CAMK1D: variants seen among roughly 807,000 people sequenced by gnomAD.
CAMK1D encodes the protein calcium/calmodulin dependent protein kinase ID, also known as calcium/calmodulin-dependent protein kinase type 1D.
Under a neutral mutation model 47.7 loss-of-function variants are expected in CAMK1D, and 9 were observed. The ratio of observed to expected loss-of-function variants is 0.19; its 90% CI spans 0.11 to 0.33. The LOEUF (loss-of-function observed/expected upper bound fraction) is 0.33. Among genes scored for constraint, CAMK1D ranks in the 10% least tolerant of loss-of-function variants. CAMK1D has a pLI of 1.00. For missense variants in CAMK1D, 291 were observed against 488.7 expected (o/e 0.60, Z 3.81); for synonymous variants, 184 against 184.9 (o/e 0.99, Z 0.04).
chr10:12,433,889 C>T (rs926183440), intron 1 of CAMK1D, among the ~76,000 whole-genome samples: 1 of 152,332 alleles, frequency 6.6e-6, no homozygotes, highest in Non-Finnish European at 1.5e-5. Flanking sequence ...GTGGGGATTT[C>T]AGGTCCCCCA....
chr10:12,469,066 G>C (rs1055788389), intron 1 of CAMK1D, among the ~76,000 whole-genome samples: 2 of 152,118 alleles, frequency 1.3e-5, no homozygotes, highest in African/African-American at 4.8e-5. Flanking sequence ...GAGATTCTGA[G>C]GGGATGGAGA....
intron 1 of CAMK1D, among the ~76,000 whole-genome samples, chr10:12,447,464 A>G (rs1005753226): frequency 2.6e-5 from 4 of 152,160 alleles, no homozygotes; most frequent in Admixed American, 2.6e-4. Context: ...CACTTTGGGA[A>G]GCTGAGACAG....
intron 4 of CAMK1D, among the ~76,000 whole-genome samples, chr10:12,767,718 CTTTCT>C (rs1195902478): frequency 1.3e-5 from 2 of 152,140 alleles, no homozygotes; most frequent in Non-Finnish European, 2.9e-5. Context: ...CAAAGAGTTG[CTTTCT>C]TTTGAGTCTC....
chr10:12,830,117 C>T lies in CAMK1D; in HGVS notation c.*1230C>T, dbSNP rs1384055521. On this transcript the variant is annotated 3_prime_UTR_variant, in exon 11 of 11. Coordinates refer to ENST00000619168, the MANE Select transcript of CAMK1D (RefSeq NM_153498.4). ...CCATGTTGCTGAAAGTGGGCCCACA[C>T]ACAACCCTCATTTCTCACGAGAGCT... 1 of 152,206 alleles carries T rather than the reference C, an allele frequency of 6.6e-6. No homozygotes were observed. Among genetic ancestry groups the T allele is most frequent in the Non-Finnish European group, 1.5e-5 (1 of 68,052 alleles). 9.4% of individuals were successfully genotyped at this position (152,206 alleles called of 1,614,324 possible).
intron 1 of CAMK1D, among the ~76,000 whole-genome samples, chr10:12,498,173 C>T (rs1219048702): frequency 6.6e-6 from 1 of 152,124 alleles, no homozygotes; most frequent in African/African-American, 2.4e-5. Flanking sequence ...GGGGACACAG[C>T]CAAACCATAT....
intron 5 of CAMK1D, among the ~76,000 whole-genome samples, chr10:12,777,363 C>CTTTTT (rs869192068): frequency 5.6e-5 from 5 of 88,524 alleles, no homozygotes; most frequent in African/African-American, 8.6e-5. Context: ...TTTGGTTGAA[C>CTTTTT]TTTTTTTTTT....
chr10:12,557,506 C>T (rs1441740542), intron 2 of CAMK1D, among the ~76,000 whole-genome samples: 7 of 143,828 alleles, frequency 4.9e-5, no homozygotes, highest in East Asian at 4.0e-4. Context: ...GAGCCCAGAT[C>T]GCGCCACTGC....
intron 1 of CAMK1D, among the ~76,000 whole-genome samples, chr10:12,496,993 G>C (rs1445972857): frequency 6.6e-6 from 1 of 152,174 alleles, no homozygotes. Context: ...TGCGGTGTTT[G>C]GTTTCCTGTT....
At chr10:12,550,939 A>C (rs1836556638) in intron 1 of CAMK1D, among the ~76,000 whole-genome samples, 1 of 152,210 alleles carries the variant, frequency 6.6e-6, no homozygotes, top group Admixed American at 6.5e-5. Flanking sequence ...GATTTTTAAA[A>C]CATGCATTTA....
At chr10:12,368,325 A>G (rs1453569977) in intron 1 of CAMK1D, among the ~76,000 whole-genome samples, 2 of 152,012 alleles carry the variant, frequency 1.3e-5, no homozygotes, top group Non-Finnish European at 2.9e-5. Flanking sequence ...GGCTCCTGGG[A>G]GATGGCACAG....
At chr10:12,722,048 C>G (rs1050885911) in intron 3 of CAMK1D, among the ~76,000 whole-genome samples, 7 of 152,104 alleles carry the variant, frequency 4.6e-5, no homozygotes, top group African/African-American at 1.7e-4. Context: ...GCTCCACCCT[C>G]ATGACCTAAT....
chr10:12,457,001 C>T (rs2860407), intron 1 of CAMK1D, among the ~76,000 whole-genome samples: 4,670 of 152,112 alleles, frequency 0.031, 230 homozygotes, highest in African/African-American at 0.11. Context: ...TGTTGGAAGC[C>T]GCCAAGTGGC....
chr10:12,744,076 T>TATA (rs1835556022), intron 3 of CAMK1D, among the ~76,000 whole-genome samples: 2 of 152,212 alleles, frequency 1.3e-5, no homozygotes, highest in Non-Finnish European at 2.9e-5. Flanking sequence ...AATGAGATCA[T>TATA]ATAATATGTG....
chr10:12,415,410 T>A (rs1285069402), intron 1 of CAMK1D, among the ~76,000 whole-genome samples: 1 of 149,366 alleles, frequency 6.7e-6, no homozygotes, highest in Non-Finnish European at 1.5e-5. Context: ...TGCCTCAGCC[T>A]CCCAAGTAGC....
intron 1 of CAMK1D, among the ~76,000 whole-genome samples, chr10:12,392,105 C>A (rs1043264084): frequency 6.6e-6 from 1 of 151,984 alleles, no homozygotes; most frequent in African/African-American, 2.4e-5. Context: ...GAGTTCGAGA[C>A]CAGCCTGACC....
At chr10:12,586,331 C>G (rs1019770268) in intron 2 of CAMK1D, among the ~76,000 whole-genome samples, 2 of 151,926 alleles carry the variant, frequency 1.3e-5, no homozygotes, top group Non-Finnish European at 2.9e-5. Flanking sequence ...CAGCTGTAAT[C>G]CCAGATACTT....
chr10:12,686,679 T>C (rs903089177), intron 3 of CAMK1D, among the ~76,000 whole-genome samples: 1 of 152,152 alleles, frequency 6.6e-6, no homozygotes, highest in Non-Finnish European at 1.5e-5. Flanking sequence ...TATCTGCTTA[T>C]TTGTACAGGA....
chr10:12,803,922 C>A (rs1486451121), intron 6 of CAMK1D, among the ~76,000 whole-genome samples: 2 of 152,174 alleles, frequency 1.3e-5, no homozygotes, highest in Admixed American at 1.3e-4. Flanking sequence ...AGGACTCAGG[C>A]TGGGAGCGGG....
chr10:12,603,394 G>A (rs1236904198), intron 2 of CAMK1D, among the ~76,000 whole-genome samples: 1 of 152,016 alleles, frequency 6.6e-6, no homozygotes, highest in Non-Finnish European at 1.5e-5. Flanking sequence ...ACCCTGACCC[G>A]TGCACGCCTG....
Sources: gnomAD v4.1 joint callset for allele counts (sites outside exome capture counted in the v4.1 genomes callset) on GRCh38, gnomAD v4.1.1 for gene constraint, MANE v1.5 for transcripts, NCBI Gene and HGNC (gene_info 2026-07-23, HGNC 2026-07-21) for gene names.